Variants in ZNF169 observed in about 807,000 individuals in gnomAD.
ZNF169 encodes zinc finger protein 169.
A neutral mutation model predicts 12.0 loss-of-function variants in ZNF169; 11 were observed. That is an observed-to-expected ratio of 0.92 (90% CI 0.58 to 1.52). ZNF169 has a LOEUF of 1.52. ZNF169 is among the 40% of genes most tolerant of loss of function. The probability of loss-of-function intolerance (pLI) is 0.00; values close to 1 mark genes in which losing one functional copy is unlikely to be tolerated. For synonymous variants in ZNF169, 302 were observed against 286.5 expected (o/e 1.05, Z -0.55); for missense variants, 722 against 744.0 (o/e 0.97, Z 0.34).
At chr9:94,273,316 C>T (rs1830457395) in intron 1 of ZNF169, among the ~76,000 whole-genome samples, 1 of 128,778 alleles carries the variant, frequency 7.8e-6, no homozygotes, top group Non-Finnish European at 1.7e-5. Context: ...GAAGCTTTTT[C>T]CTATTTTTTT....
chr9:94,281,774 A>C (rs990328454), intron 2 of ZNF169, among the ~76,000 whole-genome samples: 1 of 152,196 alleles, frequency 6.6e-6, no homozygotes, highest in African/African-American at 2.4e-5. Context: ...GTAAATTTAA[A>C]CATTTTCTGG....
intron 1 of ZNF169, among the ~76,000 whole-genome samples, chr9:94,273,861 G>A (rs1056540499): frequency 6.6e-6 from 1 of 152,172 alleles, no homozygotes; most frequent in African/African-American, 2.4e-5. Context: ...TTACAGGCGT[G>A]AGCCACTGCG....
intron 2 of ZNF169, among the ~76,000 whole-genome samples, chr9:94,288,854 G>T (rs1338078782): frequency 2.0e-5 from 3 of 152,066 alleles, no homozygotes; most frequent in South Asian, 2.1e-4. Context: ...CCAGTCTCAG[G>T]TAGTTCTTTA....
intron 1 of ZNF169, among the ~76,000 whole-genome samples, chr9:94,273,631 G>A (rs796779037): frequency 2.1e-5 from 3 of 141,424 alleles, no homozygotes; most frequent in African/African-American, 7.8e-5. Flanking sequence ...CCAGGCTGGA[G>A]TGCAGTGGCA....
intron 1 of ZNF169, among the ~76,000 whole-genome samples, chr9:94,266,293 A>G (rs1383098723): frequency 6.6e-6 from 1 of 152,154 alleles, no homozygotes; most frequent in Admixed American, 6.6e-5. Flanking sequence ...CAATTTGCAC[A>G]TGATTTCTAT....
In ZNF169 at chr9:94,292,087, A is replaced by G. The variant is rs145031462; in HGVS notation, c.34-254A>G. Reference sequence around the variant, plus strand: ...GGTTTACCTGATTTCCAGTCCTGCTATGTAGCTGCGATAATCAAACTTGTG... The same window carrying G: ...GGTTTACCTGATTTCCAGTCCTGCTGTGTAGCTGCGATAATCAAACTTGTG... On this transcript the variant is annotated intron_variant, in intron 2 of 4. Transcript: ENST00000395395. 3.8e-3 allele frequency among the ~76,000 whole-genome samples: 579 copies of G among 152,368 alleles called. 6 individuals carry two copies. The highest frequency in any genetic ancestry group is 0.013 in the African/African-American group (552 of 41,594).
chr9:94,301,094 G>A lies in ZNF169; in HGVS notation c.1536G>A (p.Glu512=). ...TRHQRTHSEE[E]LYVDRVCGQG... ...ACCAGAGGACACACTCAGAGGAGGA[G>A]CTTTACGTAGACAGGGTGTGTGGAC... Residue 512 remains glutamate (E), a synonymous_variant, in exon 5 of 5, where the codon GAG becomes GAA. Transcript: ENST00000395395. 6.2e-7 allele frequency: 1 copy of A among 1,614,204 alleles called. No individual in the cohort carries two copies. The highest frequency in any genetic ancestry group is 1.1e-5 in the South Asian group (1 of 91,084).
intron 4 of ZNF169, chr9:94,293,925 T>G (rs1250806237): frequency 6.6e-6 from 1 of 152,374 alleles, no homozygotes; most frequent in Non-Finnish European, 1.5e-5. Context: ...CCTGATTGTG[T>G]CCCGTTCCTC....
chr9:94,286,492 G>C (rs1830722378), intron 2 of ZNF169, among the ~76,000 whole-genome samples: 1 of 152,108 alleles, frequency 6.6e-6, no homozygotes, highest in Non-Finnish European at 1.5e-5. Context: ...ATTGGGGGAG[G>C]GTCCTGGTGG....
chr9:94,287,310 C>T (rs918166700), intron 2 of ZNF169, among the ~76,000 whole-genome samples: 4 of 152,254 alleles, frequency 2.6e-5, no homozygotes, highest in Non-Finnish European at 4.4e-5. Flanking sequence ...CCCAGACATA[C>T]AACATTAAAA....
chr9:94,288,394 T>G, intron 2 of ZNF169: 1 of 1,246,400 alleles, frequency 8.0e-7, no homozygotes, highest in East Asian at 2.4e-5. Context: ...GCCCGTCACT[T>G]TGGTATTCTC....
Position 94,300,744 on chromosome 9 carries a change from C to T in ZNF169, c.1186C>T (p.His396Tyr), listed in dbSNP as rs749335094. The T allele has an allele frequency of 6.2e-7, 1 of 1,613,700 alleles. No individual in the cohort carries two copies. Among genetic ancestry groups the T allele is most frequent in the Non-Finnish European group, 8.5e-7 (1 of 1,179,868 alleles). Residue 396 changes from histidine to tyrosine, a missense_variant, in exon 5 of 5, where the codon CAC (histidine) becomes TAC (tyrosine). Physicochemically the swap from His to Tyr is moderately conservative, Grantham distance 83. Coordinates refer to ENST00000395395, the MANE Select transcript of ZNF169 (RefSeq NM_194320.4). ...ACTCCTCCTTAGTCACCAGGTCACA[C>T]ACTCAGGAGAGAAGCCTTATGTCTG... is the stretch of plus-strand genomic sequence containing the variant. ...QSLLLSHQVTHSGEKPYVCAE... is the reference protein window; with the variant it reads ...QSLLLSHQVTYSGEKPYVCAE...
At chr9:94,277,714 G>A (rs1041232760) in intron 1 of ZNF169, among the ~76,000 whole-genome samples, 1 of 151,880 alleles carries the variant, frequency 6.6e-6, no homozygotes, top group South Asian at 2.1e-4. Context: ...GGCGGATCAC[G>A]AGGTCAGGAG....
At chr9:94,296,065 C>T (rs1258987572) in intron 4 of ZNF169, among the ~76,000 whole-genome samples, 1 of 152,216 alleles carries the variant, frequency 6.6e-6, no homozygotes, top group African/African-American at 2.4e-5. Flanking sequence ...TAATTTCAGA[C>T]ATTCTTATAG....
intron 2 of ZNF169, among the ~76,000 whole-genome samples, chr9:94,289,891 AAAC>A (rs1473810346): frequency 6.6e-6 from 1 of 152,222 alleles, no homozygotes; most frequent in Non-Finnish European, 1.5e-5. Context: ...TTTGTAAAGA[AAAC>A]AAAGAGGCAA....
At chr9:94,281,177 A>C (rs1308055283) in intron 2 of ZNF169, among the ~76,000 whole-genome samples, 1 of 152,212 alleles carries the variant, frequency 6.6e-6, no homozygotes, top group Non-Finnish European at 1.5e-5. Flanking sequence ...CACTTGTTGC[A>C]TAAAGGGAAA....
intron 1 of ZNF169, among the ~76,000 whole-genome samples, chr9:94,268,936 C>T (rs1291991229): frequency 1.4e-5 from 2 of 143,558 alleles, no homozygotes; most frequent in Non-Finnish European, 3.1e-5. Flanking sequence ...CTCAAAAAGA[C>T]AAGGTCTTAG....
intron 4 of ZNF169, 39 bp from the exon 5 acceptor site, chr9:94,299,776 C>A: frequency 6.4e-7 from 1 of 1,568,080 alleles, no homozygotes; most frequent in South Asian, 1.2e-5. Flanking sequence ...AATCCATGGT[C>A]ACCTGTGGTG....
In ZNF169 at chr9:94,278,788, G is replaced by A. The variant is rs1339265463; in HGVS notation, c.-25G>A. Reference sequence around the variant, plus strand: ...CCTCTGCAACTTGACTCTCCTCTAGGAAGAGTACTCCAGAGAGCAGGGATA... The same window carrying A: ...CCTCTGCAACTTGACTCTCCTCTAGAAAGAGTACTCCAGAGAGCAGGGATA... On this transcript the variant is annotated 5_prime_UTR_variant, in exon 2 of 5. Transcript: ENST00000395395. The A allele has an allele frequency of 1.2e-6, 2 of 1,612,904 alleles. No homozygotes were observed. The highest frequency in any genetic ancestry group is 1.7e-6 in the Non-Finnish European group (2 of 1,179,596).
Sources: allele counts gnomAD v4.1 joint callset (sites outside exome capture counted in the v4.1 genomes callset), GRCh38; gene constraint gnomAD v4.1.1; transcripts MANE v1.5; gene names NCBI Gene and HGNC (gene_info 2026-07-23, HGNC 2026-07-21).